Variants in FAS observed in about 807,000 individuals in gnomAD.
The protein encoded by FAS is Fas cell surface death receptor, also known as tumor necrosis factor receptor superfamily member 6.
In FAS, 5 loss-of-function variants were observed where a neutral mutation model predicts 33.2. The ratio of observed to expected loss-of-function variants is 0.15; its 90% CI spans 0.08 to 0.32. FAS has a LOEUF of 0.32. Among genes scored for constraint, FAS ranks in the 10% least tolerant of loss-of-function variants. The probability of loss-of-function intolerance (pLI) is 1.00; values close to 1 mark genes in which losing one functional copy is unlikely to be tolerated. For synonymous variants in FAS, 131 were observed against 130.7 expected (o/e 1.00, Z -0.01); for missense variants, 339 against 386.0 (o/e 0.88, Z 1.02).
chr10:88,991,883 C>T (rs1006678191), intron 1 of FAS, among the ~76,000 whole-genome samples: 7 of 152,150 alleles, frequency 4.6e-5, no homozygotes, highest in African/African-American at 1.4e-4. Flanking sequence ...CCAGGAGGCT[C>T]ATTTGAGTAC....
At chr10:89,003,278 C>G in intron 2 of FAS, 84 bp downstream of exon 2, 3 of 1,510,930 alleles carry the variant, frequency 2.0e-6, no homozygotes, top group Non-Finnish European at 2.7e-6. Context: ...AATAATTTTA[C>G]AGTTTTTGGT....
At chr10:88,987,107 T>G (rs1462978576), upstream of FAS, among the ~76,000 whole-genome samples, 1 of 152,222 alleles carries the variant, frequency 6.6e-6, no homozygotes, top group East Asian at 1.9e-4. Flanking sequence ...AAATAATTAT[T>G]AATAGACTTT....
rs1839599086 is a variant in FAS at position 89,007,647 on chromosome 10, C to G, written c.197-53C>G. 4 of 1,608,712 alleles carry G rather than the reference C, an allele frequency of 2.5e-6. No individual in the cohort carries two copies. The East Asian group carries it at 9.0e-5, about 36-fold the overall frequency. On this transcript the variant is annotated intron_variant, in intron 2 of 8. Transcript: ENST00000652046. ...CTGTCATCCCTCTATAGTTCCCACC[C>G]TGTTACCTGCCCGTGTCCTGTTCAA...
At position 89,000,273 on chromosome 10, in the gene FAS, A is replaced by G. The variant is rs554024912; in HGVS notation, c.31-2756A>G. ...ATAAAGAATTCAATGTTGATAATTC[A>G]AAGGTTTAGAATTTTTTCCACCTTT... On this transcript the variant is annotated intron_variant, in intron 1 of 8. Transcript: ENST00000652046. Among the ~76,000 whole-genome samples the G allele has an allele frequency of 7.2e-5, 11 of 152,348 alleles. No individual in the cohort carries two copies. In the East Asian group the frequency reaches 2.1e-3, roughly 29 times the overall value.
At chr10:88,967,813 T>A (rs539465082) in intron 1 of FAS, among the ~76,000 whole-genome samples, 5 of 152,314 alleles carry the variant, frequency 3.3e-5, no homozygotes, top group Admixed American at 2.0e-4. Flanking sequence ...ATTTCAATCA[T>A]CCCTAAATTT....
chr10:88,996,950 C>G (rs1416377079), intron 1 of FAS, among the ~76,000 whole-genome samples: 1 of 152,122 alleles, frequency 6.6e-6, no homozygotes, highest in Non-Finnish European at 1.5e-5. Context: ...TTTTAGGACT[C>G]TATAGCCCTT....
intron 2 of FAS, chr10:88,975,150 G>T (rs944617940): frequency 1.0e-4 from 12 of 115,556 alleles, no homozygotes; most frequent in Non-Finnish European, 2.2e-4. Flanking sequence ...TGCTGTCAAC[G>T]ATTAAAAAAA....
intron 4 of FAS, 91 bp downstream of exon 4, chr10:89,009,088 A>G: frequency 8.2e-7 from 1 of 1,221,292 alleles, no homozygotes; most frequent in Non-Finnish European, 1.2e-6. Flanking sequence ...AGAGTTAAGA[A>G]TTAGGGTTCT....
rs79516148 is a variant in FAS, at chr10:89,014,524, A to G, written c.*74A>G. On this transcript the variant is annotated 3_prime_UTR_variant, in exon 9 of 9. Transcript: ENST00000652046. ...AAAGATTCTTAATAGCTGGCTGTAA[A>G]TACTGCTTGGTTTTTTACTGGGTAC... is the stretch of plus-strand genomic sequence containing the variant. The G allele has an allele frequency of 7.1e-6, 10 of 1,410,424 alleles. No individual in the cohort carries two copies. The highest frequency in any genetic ancestry group is 9.8e-6 in the Non-Finnish European group (10 of 1,021,084). 87.4% of individuals were successfully genotyped at this position (1,410,424 alleles called of 1,614,324 possible).
rs969476730 is a variant in FAS, at chr10:89,014,588, G to T, written c.*138G>T. 1.2e-6 allele frequency: 1 copy of T among 868,446 alleles called. No homozygotes were observed. The highest frequency in any genetic ancestry group is 2.6e-5 in the East Asian group (1 of 37,958). 53.8% of individuals were successfully genotyped at this position (868,446 alleles called of 1,614,324 possible). Reference sequence around the variant, plus strand: ...TTAGCGCTGAAGAGCCAACATATTTGTAGATTTTTAATATCTCATGATTCT... The same window carrying T: ...TTAGCGCTGAAGAGCCAACATATTTTTAGATTTTTAATATCTCATGATTCT... On this transcript the variant is annotated 3_prime_UTR_variant, in exon 9 of 9. Coordinates refer to ENST00000652046, the MANE Select transcript of FAS (RefSeq NM_000043.6).
chr10:88,968,097 C>T (rs1051174245), intron 1 of FAS, among the ~76,000 whole-genome samples: 5 of 151,990 alleles, frequency 3.3e-5, no homozygotes, highest in African/African-American at 1.2e-4. Context: ...CAGAAGTAAA[C>T]TATTCAATTC....
At chr10:89,005,044 A>G (rs910503585) in intron 2 of FAS, among the ~76,000 whole-genome samples, 1 of 152,202 alleles carries the variant, frequency 6.6e-6, no homozygotes, top group African/African-American at 2.4e-5. Flanking sequence ...AATAAAGATG[A>G]GCTGCTAAAA....
At chr10:88,987,689 C>G (rs1384947978), upstream of FAS, among the ~76,000 whole-genome samples, 1 of 151,960 alleles carries the variant, frequency 6.6e-6, no homozygotes, top group Middle Eastern at 3.2e-3. Context: ...AGCCAAGTCA[C>G]ATTTCCCACC....
intron 4 of FAS, 42 bp downstream of exon 4, chr10:89,009,039 A>T: frequency 6.8e-7 from 1 of 1,475,828 alleles, no homozygotes; most frequent in Non-Finnish European, 9.5e-7. Context: ...TAGATATAAC[A>T]TGAGAGTTAT....
intron 3 of FAS, among the ~76,000 whole-genome samples, chr10:89,008,118 T>G (rs756820208): frequency 1.3e-5 from 2 of 152,196 alleles, no homozygotes; most frequent in South Asian, 4.1e-4. Context: ...GAAATTATTT[T>G]TTTTCTGGCC....
At position 89,015,016 on chromosome 10, in the gene FAS, C is replaced by G. The variant is rs886047463; in HGVS notation, c.*566C>G. ...TTTAAATAAGGCTCTACCTCAAAGA[C>G]CTTTGCACAGTTTATTGGTGTCATA... On this transcript the variant is annotated 3_prime_UTR_variant, in exon 9 of 9. Transcript: ENST00000652046. 1 of 533,280 alleles carries G rather than the reference C, an allele frequency of 1.9e-6. No homozygotes were observed. The highest frequency in any genetic ancestry group is 3.6e-6 in the Non-Finnish European group (1 of 275,726). 33.0% of individuals were successfully genotyped at this position (533,280 alleles called of 1,614,324 possible). A position where few individuals can be genotyped will look rare whatever the true frequency, so the allele number is the denominator to read the frequency against.
Position 88,990,886 on chromosome 10 carries a change from A to G in FAS, c.10A>G (p.Ile4Val). 1 of 1,614,228 alleles carries G rather than the reference A, an allele frequency of 6.2e-7. No homozygotes were observed. Among genetic ancestry groups the G allele is most frequent in the African/African-American group, 1.3e-5 (1 of 75,078 alleles). Reference protein sequence around the residue: MLGIWTLLPLVLTS... With the variant: MLGVWTLLPLVLTS... Reference sequence around the variant, plus strand: ...GGATTGCTCAACAACCATGCTGGGCATCTGGACCCTCCTACCTCTGGTGAG... The same window carrying G: ...GGATTGCTCAACAACCATGCTGGGCGTCTGGACCCTCCTACCTCTGGTGAG... The change falls in exon 1 of 9, where the codon ATC becomes GTC. Residue 4 changes from isoleucine (I) to valine (V), a missense_variant. Around this residue, in one of 3 missense-constraint regions of FAS, gnomAD observed 276 missense variants for 300.1 expected, o/e 0.92. Transcript: ENST00000652046. This position sits in a 1 kb window ranked among gnomAD's most constrained non-coding sequence, Gnocchi z 4.9.
At chr10:88,998,844 G>C (rs1589455284) in intron 1 of FAS, among the ~76,000 whole-genome samples, 1 of 152,108 alleles carries the variant, frequency 6.6e-6, no homozygotes, top group East Asian at 1.9e-4. Context: ...CTTTGCTGGT[G>C]TCAACACTCC....
chr10:88,999,935 C>T (rs1159120), intron 1 of FAS, among the ~76,000 whole-genome samples: 24,335 of 152,080 alleles, frequency 0.16, 2,338 homozygotes, highest in East Asian at 0.44. Context: ...CTGTACTTAC[C>T]AGTTTCTGGT....
Sources: gnomAD v4.1 joint callset for allele counts (sites outside exome capture counted in the v4.1 genomes callset) on GRCh38, gnomAD v4.1.1 for gene constraint, gnomAD v4.1.1 regional missense constraint, Gnocchi (gnomAD v3.1) non-coding constraint, MANE v1.5 for transcripts, NCBI Gene and HGNC (gene_info 2026-07-23, HGNC 2026-07-21) for gene names.